Variants in EYS observed in about 807,000 individuals in gnomAD.
EYS encodes EGF-like photoreceptor maintenance factor.
In EYS, 250 loss-of-function variants were observed where a neutral mutation model predicts 282.1. The observed-to-expected ratio is 0.89, with a 90% confidence interval of 0.80 to 0.98. The LOEUF (loss-of-function observed/expected upper bound fraction) is 0.98, where lower values mean the gene tolerates loss of function less well. Among genes scored for constraint, EYS ranks in the 50% least tolerant of loss-of-function variants. EYS has a pLI of 0.00. For missense variants in EYS, 4,016 were observed against 3,709.0 expected (o/e 1.08, Z -2.15); for synonymous variants, 1,355 against 1,282.9 (o/e 1.06, Z -1.20).
intron 19 of EYS, among the ~76,000 whole-genome samples, chr6:64,825,467 T>C (rs1765024310): frequency 6.6e-6 from 1 of 151,910 alleles, no homozygotes; most frequent in African/African-American, 2.4e-5. Context: ...ATCCTTGTCA[T>C]ATACGTGTGT....
At chr6:65,552,319 T>C (rs1486156035) in intron 2 of EYS, among the ~76,000 whole-genome samples, 1 of 152,222 alleles carries the variant, frequency 6.6e-6, no homozygotes, top group Non-Finnish European at 1.5e-5. Flanking sequence ...GCAAAAGTGA[T>C]CCATCTTTAT....
chr6:65,700,712 C>G (rs1769643634), intron 1 of EYS, among the ~76,000 whole-genome samples: 1 of 152,198 alleles, frequency 6.6e-6, no homozygotes, highest in Non-Finnish European at 1.5e-5. Context: ...ACCAGCAACA[C>G]AAAGCCCATT....
At chr6:64,526,856 A>G (rs1777934330) in intron 26 of EYS, among the ~76,000 whole-genome samples, 1 of 151,866 alleles carries the variant, frequency 6.6e-6, no homozygotes, top group African/African-American at 2.4e-5. Context: ...ACTATTTATT[A>G]GTAAAGATTC....
chr6:65,382,365 A>T (rs994868576), intron 8 of EYS, among the ~76,000 whole-genome samples: 2 of 151,336 alleles, frequency 1.3e-5, no homozygotes, highest in African/African-American at 2.4e-5. Context: ...TGTTGTGATA[A>T]GATGTTCCTT....
At chr6:64,967,533 G>A (rs1289224589) in intron 14 of EYS, among the ~76,000 whole-genome samples, 2 of 152,008 alleles carry the variant, frequency 1.3e-5, no homozygotes, top group Non-Finnish European at 2.9e-5. Context: ...GGTCAGGCTG[G>A]TCTCGAAGTC....
At chr6:65,512,697 C>T (rs551382236) in intron 2 of EYS, among the ~76,000 whole-genome samples, 20 of 151,934 alleles carry the variant, frequency 1.3e-4, no homozygotes, top group African/African-American at 4.8e-4. Context: ...CTACTGGGCA[C>T]ATAATGAAAT....
intron 11 of EYS, among the ~76,000 whole-genome samples, chr6:65,309,795 A>C (rs1322550089): frequency 8.5e-5 from 13 of 152,188 alleles, no homozygotes; most frequent in Non-Finnish European, 1.5e-4. Context: ...TCTTACTGCC[A>C]ATTTAGCAGC....
intron 14 of EYS, among the ~76,000 whole-genome samples, chr6:64,954,812 A>G (rs1429848632): frequency 6.6e-6 from 1 of 152,164 alleles, no homozygotes; most frequent in Non-Finnish European, 1.5e-5. Flanking sequence ...AAGAACCAAA[A>G]ATCAGTACAT....
chr6:63,875,441 G>A (rs1037874587), intron 35 of EYS, among the ~76,000 whole-genome samples: 15 of 152,066 alleles, frequency 9.9e-5, no homozygotes, highest in Non-Finnish European at 1.9e-4. Flanking sequence ...CTCTTTTTTT[G>A]TTGTGTCTCG....
intron 26 of EYS, among the ~76,000 whole-genome samples, chr6:64,511,453 G>A (rs1034559472): frequency 1.3e-5 from 2 of 151,816 alleles, no homozygotes; most frequent in Non-Finnish European, 2.9e-5. Context: ...AAAGATCTGG[G>A]AAATAAACTG....
chr6:65,406,300 G>T (rs1345371595), intron 5 of EYS, among the ~76,000 whole-genome samples: 2 of 151,988 alleles, frequency 1.3e-5, no homozygotes, highest in Non-Finnish European at 2.9e-5. Flanking sequence ...CATTTTTTGA[G>T]TGAGTTCTTT....
chr6:65,023,274 T>A (rs1318081703), intron 13 of EYS, among the ~76,000 whole-genome samples: 1 of 152,130 alleles, frequency 6.6e-6, no homozygotes, highest in Non-Finnish European at 1.5e-5. Flanking sequence ...TAGTCTCAGT[T>A]ACCTTATTTA....
At chr6:64,830,853 A>G (rs187891178) in intron 19 of EYS, among the ~76,000 whole-genome samples, 1 of 152,102 alleles carries the variant, frequency 6.6e-6, no homozygotes, top group East Asian at 1.9e-4. Flanking sequence ...TTCCACAAAT[A>G]GAGGAGTTTC....
intron 26 of EYS, among the ~76,000 whole-genome samples, chr6:64,480,821 A>G (rs1418911782): frequency 6.6e-6 from 1 of 151,774 alleles, no homozygotes; most frequent in Non-Finnish European, 1.5e-5. Context: ...ATTCTCAACT[A>G]TAAGCTACAA....
At chr6:64,872,771 G>A (rs993191451) in intron 19 of EYS, among the ~76,000 whole-genome samples, 2 of 151,978 alleles carry the variant, frequency 1.3e-5, no homozygotes, top group African/African-American at 4.8e-5. Flanking sequence ...TAAACAGCAT[G>A]AGTCAGGAAG....
At chr6:64,158,706 C>T (rs1775008489) in intron 31 of EYS, among the ~76,000 whole-genome samples, 1 of 152,086 alleles carries the variant, frequency 6.6e-6, no homozygotes, top group Admixed American at 6.5e-5. Flanking sequence ...ACATCTTTGC[C>T]CCTTTTTCTT....
In EYS at chr6:64,119,494, A is replaced by G. The variant is rs541208692; in HGVS notation, c.6425-37492T>C. On this transcript the variant is annotated intron_variant, in intron 31 of 42. Coordinates refer to ENST00000503581, the MANE Select transcript of EYS (RefSeq NM_001142800.2). ...AATAGAAGGATATTTAGATAATACA[A>G]TAAGTTCACATTTGACTTCATTTGC... Among the ~76,000 whole-genome samples, 13 of 152,352 alleles carry G rather than the reference A, an allele frequency of 8.5e-5. No homozygotes were observed. In the South Asian group the frequency reaches 2.5e-3, roughly 29 times the overall value.
At chr6:64,783,641 CAAT>C in intron 22 of EYS, among the ~76,000 whole-genome samples, 1 of 152,046 alleles carries the variant, frequency 6.6e-6, no homozygotes, top group South Asian at 2.1e-4. Flanking sequence ...AATCAGAATT[CAAT>C]AATATTTCAA....
chr6:64,788,220 A>C (rs368241293), intron 22 of EYS, among the ~76,000 whole-genome samples: 1 of 152,230 alleles, frequency 6.6e-6, no homozygotes, highest in African/African-American at 2.4e-5. Context: ...GATTAAGTTG[A>C]CCAAGGAGGG....
Sources: allele counts gnomAD v4.1 joint callset (sites outside exome capture counted in the v4.1 genomes callset), GRCh38; gene constraint gnomAD v4.1.1; transcripts MANE v1.5; gene names NCBI Gene and HGNC (gene_info 2026-07-23, HGNC 2026-07-21).